ERBB4: variants seen among roughly 807,000 people sequenced by gnomAD.
The protein encoded by ERBB4 is erb-b2 receptor tyrosine kinase 4, also known as receptor tyrosine-protein kinase erbB-4.
In ERBB4, 42 loss-of-function variants were observed where a neutral mutation model predicts 158.0. That is an observed-to-expected ratio of 0.27 (90% confidence interval 0.21 to 0.34). ERBB4 has a LOEUF of 0.34. ERBB4 is among the 10% of genes least tolerant of loss of function. The pLI is 1.00. For synonymous variants in ERBB4, 583 were observed against 558.7 expected (o/e 1.04, Z -0.61); for missense variants, 1,333 against 1,624.1 (o/e 0.82, Z 3.08).
intron 4 of ERBB4, among the ~76,000 whole-genome samples, chr2:211,781,228 C>A (rs1371129851): frequency 6.6e-6 from 1 of 151,804 alleles, no homozygotes; most frequent in Non-Finnish European, 1.5e-5. Context: ...ATACAAAGTG[C>A]AATATTAATT....
chr2:211,484,561 A>G (rs551487898), intron 20 of ERBB4, among the ~76,000 whole-genome samples: 3 of 152,328 alleles, frequency 2.0e-5, no homozygotes, highest in East Asian at 3.9e-4. Context: ...AAAAGACTGC[A>G]TTAATATGAG....
At chr2:212,218,009 T>C (rs2083157601) in intron 1 of ERBB4, among the ~76,000 whole-genome samples, 1 of 151,310 alleles carries the variant, frequency 6.6e-6, no homozygotes, top group Admixed American at 6.6e-5. Flanking sequence ...GAAAAAAGTA[T>C]ATTTATTGAA....
At chr2:211,739,928 A>G (rs2074734397) in intron 5 of ERBB4, among the ~76,000 whole-genome samples, 1 of 152,226 alleles carries the variant, frequency 6.6e-6, no homozygotes, top group South Asian at 2.1e-4. Context: ...TTCCCTATTC[A>G]TTTAATTTTG....
intron 1 of ERBB4, among the ~76,000 whole-genome samples, chr2:212,350,279 G>T (rs1051722420): frequency 6.6e-6 from 1 of 152,050 alleles, no homozygotes; most frequent in African/African-American, 2.4e-5. Context: ...TTTAGTTAAA[G>T]AATTTGGGCT....
chr2:212,364,400 G>A (rs1393892256), intron 1 of ERBB4, among the ~76,000 whole-genome samples: 1 of 151,564 alleles, frequency 6.6e-6, no homozygotes, highest in Non-Finnish European at 1.5e-5. Flanking sequence ...TTCTCAGTCA[G>A]CAATTTGCAG....
intron 1 of ERBB4, among the ~76,000 whole-genome samples, chr2:212,208,485 C>A (rs1355677983): frequency 6.6e-6 from 1 of 151,924 alleles, no homozygotes; most frequent in Admixed American, 6.6e-5. Context: ...ATAAACAGGG[C>A]TAAGGCAAGA....
chr2:212,245,945 TG>T (rs1028957042), intron 1 of ERBB4, among the ~76,000 whole-genome samples: 1 of 152,112 alleles, frequency 6.6e-6, no homozygotes, highest in African/African-American at 2.4e-5. Flanking sequence ...TTAAATGTTG[TG>T]GGGGGTGTAA....
intron 1 of ERBB4, among the ~76,000 whole-genome samples, chr2:212,160,326 T>C (rs1442983059): frequency 6.6e-6 from 1 of 151,934 alleles, no homozygotes; most frequent in Non-Finnish European, 1.5e-5. Context: ...CCAGTGCCTA[T>C]TTAAAAATAA....
At chr2:211,976,713 T>A (rs1326239418) in intron 2 of ERBB4, among the ~76,000 whole-genome samples, 6 of 152,126 alleles carry the variant, frequency 3.9e-5, no homozygotes, top group Non-Finnish European at 7.4e-5. Context: ...ATTTACATTA[T>A]AAAAATCAGT....
intron 2 of ERBB4, among the ~76,000 whole-genome samples, chr2:212,016,918 A>G (rs2125319944): frequency 6.6e-6 from 1 of 152,288 alleles, no homozygotes; most frequent in African/African-American, 2.4e-5. Flanking sequence ...TTGTCACTTA[A>G]TAAAAGGTAG....
At chr2:211,486,630 T>G (rs1371861229) in intron 20 of ERBB4, among the ~76,000 whole-genome samples, 1 of 152,088 alleles carries the variant, frequency 6.6e-6, no homozygotes, top group Non-Finnish European at 1.5e-5. Flanking sequence ...TTAAACAGAT[T>G]TTGGGTCAAA....
chr2:211,803,500 G>C (rs2076545983), intron 3 of ERBB4, among the ~76,000 whole-genome samples: 1 of 152,124 alleles, frequency 6.6e-6, no homozygotes, highest in Non-Finnish European at 1.5e-5. Flanking sequence ...AAGGAATAGA[G>C]TGAGTAGAAC....
chr2:211,624,056 AAAG>A lies in ERBB4; in HGVS notation c.2080-15_2080-13del, dbSNP rs1316418058. ...AATGGTTCCACCAACTGCAAAGCGG[AAAG>A]AAGAAGGTTATACTTTCAGTCCGAT... On this transcript the variant is annotated splice_polypyrimidine_tract_variant and intron_variant, in intron 17 of 27. Transcript: ENST00000342788. The A allele has an allele frequency of 1.4e-5, 22 of 1,613,878 alleles. No homozygotes were observed. The highest frequency in any genetic ancestry group is 1.8e-5 in the Non-Finnish European group (21 of 1,179,944).
intron 12 of ERBB4, among the ~76,000 whole-genome samples, chr2:211,687,260 G>A (rs559398202): frequency 3.2e-4 from 46 of 145,666 alleles, no homozygotes; most frequent in Admixed American, 4.9e-4. Context: ...AGCCGAGATC[G>A]CACCACTGCA....
intron 25 of ERBB4, among the ~76,000 whole-genome samples, chr2:211,403,112 A>G (rs973744270): frequency 1.2e-4 from 19 of 152,024 alleles, no homozygotes; most frequent in African/African-American, 4.3e-4. Flanking sequence ...ACTCTCAATT[A>G]TTAGTGTCTG....
At chr2:211,577,205 G>A (rs2067917201) in intron 19 of ERBB4, among the ~76,000 whole-genome samples, 1 of 152,028 alleles carries the variant, frequency 6.6e-6, no homozygotes, top group African/African-American at 2.4e-5. Flanking sequence ...GCATGCATGG[G>A]GAATACAAAT....
intron 3 of ERBB4, among the ~76,000 whole-genome samples, chr2:211,788,682 A>G (rs992391157): frequency 6.6e-6 from 1 of 152,114 alleles, no homozygotes; most frequent in East Asian, 1.9e-4. Flanking sequence ...CCAAGGTCAT[A>G]GAGTGTGGAT....
chr2:211,832,102 C>T (rs2077234130), intron 3 of ERBB4, among the ~76,000 whole-genome samples: 1 of 152,090 alleles, frequency 6.6e-6, no homozygotes, highest in South Asian at 2.1e-4. Context: ...TGAATAAATA[C>T]CTGAATATAA....
At chr2:211,622,445 G>C (rs994538069) in intron 18 of ERBB4, among the ~76,000 whole-genome samples, 2 of 151,944 alleles carry the variant, frequency 1.3e-5, no homozygotes, top group Admixed American at 1.3e-4. Flanking sequence ...GAAAACTTCT[G>C]CATTTTGACC....
Sources: allele counts gnomAD v4.1 joint callset (sites outside exome capture counted in the v4.1 genomes callset), GRCh38; gene constraint gnomAD v4.1.1; transcripts MANE v1.5; gene names NCBI Gene and HGNC (gene_info 2026-07-23, HGNC 2026-07-21).